DSC3: variants seen among roughly 807,000 people sequenced by gnomAD.
The protein encoded by DSC3 is desmocollin-3.
In DSC3, 97 loss-of-function variants were observed where a neutral mutation model predicts 89.5. The ratio of observed to expected loss-of-function variants is 1.08; its 90% CI spans 0.92 to 1.28. The LOEUF is 1.28. Ranked by LOEUF, DSC3 falls within the 50% of genes most tolerant of loss-of-function variation. The pLI is 0.00. For missense variants in DSC3, 1,199 were observed against 1,085.3 expected, an observed-to-expected ratio of 1.10 and a Z score of -1.47; for synonymous variants, 436 against 384.1, an observed-to-expected ratio of 1.14 and a Z score of -1.58.
At chr18:31,025,048 T>G (rs1842529275) in intron 5 of DSC3, among the ~76,000 whole-genome samples, 1 of 152,160 alleles carries the variant, frequency 6.6e-6, no homozygotes, top group African/African-American at 2.4e-5. Context: ...AACTGAAAAT[T>G]TTCTAAGCAA....
At position 31,007,044 on chromosome 18, in the gene DSC3, A is replaced by G. The variant is rs1984871949; in HGVS notation, c.1751T>C (p.Ile584Thr). The G allele has an allele frequency of 1.9e-6, 3 of 1,613,936 alleles. No homozygotes were observed. The highest frequency in any genetic ancestry group is 1.1e-5 in the South Asian group (1 of 91,076). The change falls in exon 12 of 16, where the codon ATT becomes ACT. Residue 584 changes from isoleucine to threonine, a missense_variant. Physicochemically the swap from Ile to Thr is moderately conservative, Grantham distance 89. Coordinates refer to ENST00000360428, the MANE Select transcript of DSC3 (RefSeq NM_001941.5). ...PPEILQEYVV[I>T]CKPKMGYTDI... ...GGTATACCCCATTTTTGGTTTGCAA[A>G]TGACTACATATTCTTGAAGTATTTC...
At chr18:30,995,605 CA>C (rs779183705) in intron 15 of DSC3, among the ~76,000 whole-genome samples, 21 of 152,130 alleles carry the variant, frequency 1.4e-4, no homozygotes, top group Non-Finnish European at 2.4e-4. Flanking sequence ...ACAAAACAAA[CA>C]AAAAACCCCA....
intron 12 of DSC3, 51 bp downstream of exon 12, chr18:31,006,856 C>T (rs768413201): frequency 1.9e-4 from 258 of 1,382,102 alleles, no homozygotes; most frequent in Non-Finnish European, 2.9e-5. Flanking sequence ...ATCTATCCTC[C>T]AGTTATTCTG....
chr18:30,994,040 A>G lies in DSC3; in HGVS notation c.*135T>C, dbSNP rs558753175. 4.6e-6 allele frequency: 4 copies of G among 870,788 alleles called. No homozygotes were observed. The highest frequency in any genetic ancestry group is 5.4e-6 in the Non-Finnish European group (3 of 557,242). 53.9% of individuals were successfully genotyped at this position (870,788 alleles called of 1,614,324 possible). A position where few individuals can be genotyped will look rare whatever the true frequency, so the allele number is the denominator to read the frequency against. ...ATAAGCAACAACTTGCTTTAAAAAT[A>G]TAAATTGGTGAGTAGCATAATTCAA... is the stretch of plus-strand genomic sequence containing the variant. On this transcript the variant is annotated 3_prime_UTR_variant, in exon 16 of 16. Coordinates refer to ENST00000360428, the MANE Select transcript of DSC3 (RefSeq NM_001941.5).
intron 4 of DSC3, among the ~76,000 whole-genome samples, chr18:31,026,689 C>G (rs532380046): frequency 2.6e-5 from 4 of 152,072 alleles, no homozygotes; most frequent in African/African-American, 9.7e-5. Flanking sequence ...GTGCTAGTAT[C>G]TCTTAATATC....
intron 1 of DSC3, among the ~76,000 whole-genome samples, chr18:31,037,282 T>G (rs910305476): frequency 5.3e-5 from 8 of 152,210 alleles, no homozygotes; most frequent in Admixed American, 5.2e-4. Flanking sequence ...CCATGAAACT[T>G]GCTTACTTTT....
intron 6 of DSC3, among the ~76,000 whole-genome samples, chr18:31,023,980 A>C (rs1159915739): frequency 2.0e-5 from 3 of 152,142 alleles, no homozygotes; most frequent in Non-Finnish European, 2.9e-5. Flanking sequence ...GCTCAAAGAA[A>C]AAAACTATAC....
chr18:31,000,926 A>G (rs1468456999), intron 14 of DSC3, among the ~76,000 whole-genome samples: 1 of 151,692 alleles, frequency 6.6e-6, no homozygotes, highest in African/African-American at 2.4e-5. Context: ...TTTCTCATAA[A>G]TAAGTTGGCA....
chr18:31,001,112 T>TATATATATATATATATATATAC (rs1454818694), intron 14 of DSC3, among the ~76,000 whole-genome samples: 3 of 147,934 alleles, frequency 2.0e-5, no homozygotes, highest in Non-Finnish European at 4.5e-5. Context: ...TATATATATA[T>TATATATATATATATATATATAC]ACTTTACACA....
At chr18:31,011,426 T>C (rs276910) in intron 9 of DSC3, among the ~76,000 whole-genome samples, 78,630 of 151,970 alleles carry the variant, frequency 0.52, 20,735 homozygotes, top group East Asian at 0.83. Flanking sequence ...ATTCTTGGTT[T>C]GGCCTACTGA....
Position 30,991,588 on chromosome 18 carries a change from A to G in DSC3, c.*2587T>C, listed in dbSNP as rs1424552605. 1 of 152,162 alleles carries G rather than the reference A, an allele frequency of 6.6e-6. No homozygotes were observed. Among genetic ancestry groups the G allele is most frequent in the African/African-American group, 2.4e-5 (1 of 41,416 alleles). 9.4% of individuals were successfully genotyped at this position (152,162 alleles called of 1,614,324 possible). ...TGAGAAAGTTTATCGGCACTAGTAA[A>G]GTCTTGGGGAGGTAGCAGGTTTTGA... On this transcript the variant is annotated 3_prime_UTR_variant, in exon 16 of 16. Transcript: ENST00000360428.
At chr18:30,995,591 A>G (rs188695046) in intron 15 of DSC3, among the ~76,000 whole-genome samples, 6 of 152,324 alleles carry the variant, frequency 3.9e-5, no homozygotes, top group Admixed American at 3.3e-4. Flanking sequence ...AATGTAAAAC[A>G]AAAACAAAAC....
chr18:31,020,841 C>T (rs993907990), intron 7 of DSC3, among the ~76,000 whole-genome samples: 3 of 151,938 alleles, frequency 2.0e-5, no homozygotes, highest in Non-Finnish European at 4.4e-5. Context: ...ACACAGGAGG[C>T]GGAGGTGGGA....
At chr18:31,022,943 A>G (rs1420277521) in intron 6 of DSC3, among the ~76,000 whole-genome samples, 1 of 152,176 alleles carries the variant, frequency 6.6e-6, no homozygotes. Flanking sequence ...GATCAAGTTG[A>G]CCTTTAGTAG....
At position 31,001,718 on chromosome 18, in the gene DSC3, C is replaced by T; in HGVS notation, c.2135G>A (p.Cys712Tyr). ...LLFSVLLTLV[C>Y]GVFGATKGKR... Reference sequence around the variant, plus strand: ...CCCTTTAGTTGCACCAAAAACTCCACATACTAAAGTTAGCAATACAGCTGA... The same window carrying T: ...CCCTTTAGTTGCACCAAAAACTCCATATACTAAAGTTAGCAATACAGCTGA... The change falls in exon 14 of 16, where the codon TGT (cysteine) becomes TAT (tyrosine). Residue 712 changes from cysteine (C) to tyrosine (Y), a missense_variant. Physicochemically the swap from Cys to Tyr is radical, Grantham distance 194 (BLOSUM62 -2). Transcript: ENST00000360428. The T allele has an allele frequency of 6.2e-7, 1 of 1,606,746 alleles. No homozygotes were observed. The highest frequency in any genetic ancestry group is 1.3e-5 in the African/African-American group (1 of 74,856).
chr18:31,003,501 A>G (rs1382998956), intron 13 of DSC3, among the ~76,000 whole-genome samples: 1 of 152,162 alleles, frequency 6.6e-6, no homozygotes, highest in East Asian at 1.9e-4. Context: ...TCAGTGCTAC[A>G]CCATATGGTA....
rs375939292 is a variant in DSC3 at position 31,001,650 on chromosome 18, A to C, written c.2203T>G (p.Ser735Ala). The C allele has an allele frequency of 9.1e-5, 146 of 1,611,300 alleles. No homozygotes were observed. Among genetic ancestry groups the C allele is most frequent in the Non-Finnish European group, 4.2e-6 (5 of 1,178,500 alleles). The change falls in exon 14 of 16, where the codon TCA (serine) becomes GCA (alanine). Residue 735 changes from serine (S) to alanine (A), a missense_variant. Physicochemically the swap from Ser to Ala is moderately conservative, Grantham distance 99 (BLOSUM62 1). Transcript: ENST00000360428. ...TCGTCTCCAGGTGCTTCTGTGTTTG[A>C]TATAATTAAGTTTTGCTGTGCTAAA... ...EDLAQQNLII[S>A]NTEAPGDDRV...
At position 31,029,565 on chromosome 18, in the gene DSC3, T is replaced by TC. The variant is rs1364677519; in HGVS notation, c.417_418insG (p.Ile140AspfsTer21). The TC allele has an allele frequency of 6.2e-7, 1 of 1,613,878 alleles. No individual in the cohort carries two copies. The highest frequency in any genetic ancestry group is 8.5e-7 in the Non-Finnish European group (1 of 1,179,742). On this transcript the variant is annotated frameshift_variant, in exon 4 of 16. Transcript: ENST00000360428. LOFTEE classifies it high-confidence loss of function. ...GAATTCTCTTGCATAGAGCAAGGAA[T>TC]AGGTGCCCATCTCCTCTTGGCACGC...
chr18:31,010,459 C>A (rs1985020997), intron 9 of DSC3, among the ~76,000 whole-genome samples: 1 of 152,068 alleles, frequency 6.6e-6, no homozygotes, highest in African/African-American at 2.4e-5. Context: ...TTTCTTTGTC[C>A]CATTTTTCGA....
Sources: gnomAD v4.1 joint callset for allele counts (sites outside exome capture counted in the v4.1 genomes callset) on GRCh38, gnomAD v4.1.1 for gene constraint, MANE v1.5 for transcripts, NCBI Gene and HGNC (gene_info 2026-07-23, HGNC 2026-07-21) for gene names.